FAT1: variants seen among roughly 807,000 people sequenced by gnomAD.
The protein encoded by FAT1 is protocadherin Fat 1.
Under a neutral mutation model 329.8 loss-of-function variants are expected in FAT1, and 171 were observed. The ratio of observed to expected loss-of-function variants is 0.52; its 90% CI spans 0.46 to 0.59. The LOEUF (loss-of-function observed/expected upper bound fraction) is 0.59, where lower values mean the gene tolerates loss of function less well. Among genes scored for constraint, FAT1 ranks in the 20% least tolerant of loss-of-function variants. The probability of loss-of-function intolerance (pLI) is 0.00; values close to 1 mark genes in which losing one functional copy is unlikely to be tolerated. For missense variants in FAT1, 5,672 were observed against 5,774.4 expected, an observed-to-expected ratio of 0.98 and a Z score of 0.57; for synonymous variants, 2,233 against 2,228.6, an observed-to-expected ratio of 1.00 and a Z score of -0.06.
chr4:186,645,968 TACACACACAC>T lies in FAT1; in HGVS notation c.3581-6195_3581-6186del, dbSNP rs371987938. On this transcript the variant is annotated intron_variant, in intron 3 of 26. Coordinates refer to ENST00000441802, the MANE Select transcript of FAT1 (RefSeq NM_005245.4). The stretch of plus-strand genomic sequence containing the variant: ...CACAAAAAAAAAAAAAAAAAATATA[TACACACACAC>T]ACACACACACACACACACACACACA... Among the ~76,000 whole-genome samples, 112 of 105,232 alleles carry T rather than the reference TACACACACAC, an allele frequency of 1.1e-3. 2 individuals carry two copies. In the East Asian group the frequency reaches 0.026, roughly 24 times the overall value. 69.0% of individuals were successfully genotyped at this position (105,232 alleles called of 152,430 possible).
At chr4:186,703,874 G>C (rs994039179) in intron 2 of FAT1, among the ~76,000 whole-genome samples, 3 of 152,154 alleles carry the variant, frequency 2.0e-5, no homozygotes, top group Non-Finnish European at 4.4e-5. Flanking sequence ...CACTCCAAGT[G>C]AATAATTAGC....
chr4:186,638,592 A>G (rs2126568422), intron 4 of FAT1, among the ~76,000 whole-genome samples: 1 of 151,256 alleles, frequency 6.6e-6, no homozygotes, highest in Middle Eastern at 3.4e-3. Context: ...CACCTTTTCC[A>G]GAGGGTATTC....
chr4:186,655,027 T>C (rs925884010), intron 3 of FAT1, among the ~76,000 whole-genome samples: 1 of 152,202 alleles, frequency 6.6e-6, no homozygotes, highest in Non-Finnish European at 1.5e-5. Context: ...AGATTCACTA[T>C]TTATCAAATG....
At chr4:186,642,839 G>T (rs899421498) in intron 3 of FAT1, among the ~76,000 whole-genome samples, 1 of 152,216 alleles carries the variant, frequency 6.6e-6, no homozygotes, top group East Asian at 1.9e-4. Flanking sequence ...ATAGCGGGCC[G>T]ATCTTCAACC....
chr4:186,617,218 G>A lies in FAT1; in HGVS notation c.8879-17C>T. ...GATCCCCTCCTATTAAATCAATGGA[G>A]GAAGATAATAATCAAATTTGTTGAA... On this transcript the variant is annotated splice_polypyrimidine_tract_variant and intron_variant, in intron 10 of 26. Transcript: ENST00000441802. The A allele has an allele frequency of 3.3e-6, 5 of 1,499,160 alleles. No individual in the cohort carries two copies. Among genetic ancestry groups the A allele is most frequent in the Admixed American group, 2.2e-5 (1 of 45,016 alleles). The allele number at this position is 1,499,160 out of a possible 1,614,324, so 92.9% of individuals were successfully genotyped here.
At chr4:186,689,026 A>C (rs1490281995) in intron 2 of FAT1, among the ~76,000 whole-genome samples, 1 of 152,236 alleles carries the variant, frequency 6.6e-6, no homozygotes, top group Non-Finnish European at 1.5e-5. Context: ...AGTTTACAGA[A>C]AGCAACTACT....
At chr4:186,695,760 A>AC (rs1743997898) in intron 2 of FAT1, among the ~76,000 whole-genome samples, 2 of 141,234 alleles carry the variant, frequency 1.4e-5, no homozygotes, top group Admixed American at 7.2e-5. Context: ...TTATATATAA[A>AC]ACACACACAC....
chr4:186,655,555 C>T (rs1470522342), intron 3 of FAT1, among the ~76,000 whole-genome samples: 1 of 152,012 alleles, frequency 6.6e-6, no homozygotes, highest in Non-Finnish European at 1.5e-5. Context: ...ATGCCTCAGC[C>T]TCCCAAGTAG....
chr4:186,662,641 C>T (rs1317389984), intron 3 of FAT1, among the ~76,000 whole-genome samples: 1 of 152,110 alleles, frequency 6.6e-6, no homozygotes, highest in African/African-American at 2.4e-5. Flanking sequence ...ATACTCTTTA[C>T]AAAAAGCCGA....
At chr4:186,724,748 A>G (rs1045585803), upstream of FAT1, among the ~76,000 whole-genome samples, 1 of 152,210 alleles carries the variant, frequency 6.6e-6, no homozygotes, top group Non-Finnish European at 1.5e-5. The surrounding 1 kb of genome is among the most constrained non-coding windows in gnomAD (Gnocchi z 5.3). Flanking sequence ...GACTCGGCCG[A>G]AGCCCGGAGG....
intron 9 of FAT1, among the ~76,000 whole-genome samples, chr4:186,622,003 A>G (rs1740071876): frequency 6.6e-6 from 1 of 152,250 alleles, no homozygotes; most frequent in Non-Finnish European, 1.5e-5. Flanking sequence ...AACAAAAAAC[A>G]GAAGAAACAG....
In FAT1 at chr4:186,633,695, T is replaced by C. The variant is rs189656695; in HGVS notation, c.4312A>G (p.Ile1438Val). Reference protein sequence around the residue: ...TVEATDGTTTILTQVFIKVID... With the variant: ...TVEATDGTTTVLTQVFIKVID... ...AGTAATTCACTTACCTGAGTGAGGATAGTGGTGGTTCCATCTGTAGCCTCG... is the reference window on the plus strand; with the variant it reads ...AGTAATTCACTTACCTGAGTGAGGACAGTGGTGGTTCCATCTGTAGCCTCG... Residue 1438 changes from isoleucine to valine, a missense_variant, in exon 7 of 27, where the codon ATC becomes GTC. Physicochemically the swap from Ile to Val is conservative, Grantham distance 29. This residue lies in a region of FAT1 where 3,966 missense variants were observed against 3,915.2 expected (regional missense o/e 1.01). Transcript: ENST00000441802. 7.6e-5 allele frequency: 123 copies of C among 1,613,918 alleles called. No homozygotes were observed. Among genetic ancestry groups the C allele is most frequent in the Middle Eastern group, 1.7e-4 (1 of 6,058 alleles).
At chr4:186,693,337 A>G (rs751843744) in intron 2 of FAT1, among the ~76,000 whole-genome samples, 3 of 152,348 alleles carry the variant, frequency 2.0e-5, no homozygotes, top group Non-Finnish European at 4.4e-5. Flanking sequence ...AGCTCCTCTC[A>G]GCAAGGTTAG....
In FAT1 at chr4:186,588,426, T is replaced by C. The variant is rs1738057824; in HGVS notation, c.*166A>G. On this transcript the variant is annotated 3_prime_UTR_variant, in exon 27 of 27. Transcript: ENST00000441802. ...ATGAAAACCTCACGATGACAGTAGTTGGGACACTGGAAATGGCTAGCACGT... is the reference window on the plus strand; with the variant it reads ...ATGAAAACCTCACGATGACAGTAGTCGGGACACTGGAAATGGCTAGCACGT... 1 of 749,010 alleles carries C rather than the reference T, an allele frequency of 1.3e-6. No homozygotes were observed. Among genetic ancestry groups the C allele is most frequent in the African/African-American group, 1.8e-5 (1 of 56,754 alleles). The allele number at this position is 749,010 out of a possible 1,614,324, so 46.4% of individuals were successfully genotyped here.
rs147533698 is a variant in FAT1, at chr4:186,717,575, T to C, written c.-19+6089A>G. Among the ~76,000 whole-genome samples the C allele has an allele frequency of 1.4e-4, 21 of 152,344 alleles. 1 individual carries two copies. Among genetic ancestry groups the C allele is most frequent in the African/African-American group, 5.1e-4 (21 of 41,584 alleles). On this transcript the variant is annotated intron_variant, in intron 1 of 26. Coordinates refer to ENST00000441802, the MANE Select transcript of FAT1 (RefSeq NM_005245.4). ...TTTTCAGAAAACTTCACCATGTACA[T>C]GATTTAATCAATCCAAAATAGATTC...
At chr4:186,725,438 A>T (rs1435219307), upstream of FAT1, among the ~76,000 whole-genome samples, 1 of 152,066 alleles carries the variant, frequency 6.6e-6, no homozygotes, top group Admixed American at 6.6e-5. The surrounding 1 kb of genome is among the most constrained non-coding windows in gnomAD (Gnocchi z 5.4). Flanking sequence ...TTCCTGGAGA[A>T]GATTACCATT....
At chr4:186,628,864 G>A (rs1271722863) in intron 7 of FAT1, 101 bp from the exon 8 acceptor site, 2 of 1,178,860 alleles carry the variant, frequency 1.7e-6, no homozygotes, top group Non-Finnish European at 2.3e-6. Context: ...AAACGATACT[G>A]TGGCAAAATA....
intron 3 of FAT1, among the ~76,000 whole-genome samples, chr4:186,642,122 G>A (rs1452546393): frequency 1.3e-5 from 2 of 152,074 alleles, no homozygotes; most frequent in African/African-American, 4.8e-5. Context: ...CGTTAACTCA[G>A]ATGGAGCTTT....
At chr4:186,608,281 C>G (rs1389653026) in intron 16 of FAT1, among the ~76,000 whole-genome samples, 1 of 152,200 alleles carries the variant, frequency 6.6e-6, no homozygotes, top group African/African-American at 2.4e-5. Flanking sequence ...ATAACCTATA[C>G]ACATCCTCCC....
Sources: allele counts gnomAD v4.1 joint callset (sites outside exome capture counted in the v4.1 genomes callset), GRCh38; gene constraint gnomAD v4.1.1; regional missense constraint gnomAD v4.1.1; non-coding constraint Gnocchi (gnomAD v3.1); transcripts MANE v1.5; gene names NCBI Gene and HGNC (gene_info 2026-07-23, HGNC 2026-07-21).